The following RAPGEF2 variants were observed in gnomAD, a reference collection of about 807,000 sequenced individuals.
RAPGEF2 encodes PDZ domain containing guanine nucleotide exchange factor (GEF) 1.
Under a neutral mutation model 186.7 loss-of-function variants are expected in RAPGEF2, and 54 were observed. That is an observed-to-expected ratio of 0.29 (90% CI 0.23 to 0.36). The LOEUF (loss-of-function observed/expected upper bound fraction) is 0.36. Among genes scored for constraint, RAPGEF2 ranks in the 10% least tolerant of loss-of-function variants. The pLI is 1.00. For missense variants in RAPGEF2, 1,532 were observed against 2,045.0 expected (o/e 0.75, Z 4.84); for synonymous variants, 712 against 705.9 (o/e 1.01, Z -0.14).
At chr4:159,276,711 C>T (rs1758926494) in intron 7 of RAPGEF2, among the ~76,000 whole-genome samples, 1 of 151,988 alleles carries the variant, frequency 6.6e-6, no homozygotes, top group African/African-American at 2.4e-5. Flanking sequence ...TGGGCATATT[C>T]CCAGATTTCT....
intron 1 of RAPGEF2, among the ~76,000 whole-genome samples, chr4:159,147,853 A>G (rs1443874030): frequency 6.6e-6 from 1 of 152,052 alleles, no homozygotes; most frequent in East Asian, 1.9e-4. Context: ...TTACAGATTT[A>G]CAGGTAGTTG....
intron 25 of RAPGEF2, 101 bp from the exon 26 acceptor site, chr4:159,350,036 A>C (rs758943942): frequency 2.9e-6 from 2 of 685,658 alleles, no homozygotes; most frequent in Non-Finnish European, 4.6e-6. Flanking sequence ...ACCTCAGTGT[A>C]ATGATATTAA....
At chr4:159,223,314 T>C (rs1751716298) in intron 4 of RAPGEF2, among the ~76,000 whole-genome samples, 2 of 152,198 alleles carry the variant, frequency 1.3e-5, no homozygotes, top group African/African-American at 4.8e-5. Flanking sequence ...AAATCACTGT[T>C]TTCTTAGTTA....
At chr4:159,267,235 A>C in intron 7 of RAPGEF2, 3 of 1,289,218 alleles carry the variant, frequency 2.3e-6, no homozygotes, top group Non-Finnish European at 3.0e-6. Context: ...TATTTAGAAA[A>C]GGAAGCTTTC....
chr4:159,231,248 G>A (rs898916016), intron 4 of RAPGEF2, among the ~76,000 whole-genome samples: 2 of 152,024 alleles, frequency 1.3e-5, no homozygotes, highest in African/African-American at 4.8e-5. Context: ...TACCATCTTG[G>A]TTTGTGTAAG....
rs189307766 is a variant in RAPGEF2 at position 159,149,155 on chromosome 4, A to G, written c.70-37487A>G. ...CTAAATAAAAATACAGAAAGAGGGCAGAAGATAAAGCTGAAATATTTATTC... is the reference window on the plus strand; with the variant it reads ...CTAAATAAAAATACAGAAAGAGGGCGGAAGATAAAGCTGAAATATTTATTC... On this transcript the variant is annotated intron_variant, in intron 1 of 29. Transcript: ENST00000691494. 5.3e-5 allele frequency among the ~76,000 whole-genome samples: 8 copies of G among 152,368 alleles called. No individual in the cohort carries two copies. In the East Asian group the frequency reaches 1.5e-3, roughly 29 times the overall value.
At position 159,241,259 on chromosome 4, in the gene RAPGEF2, C is replaced by T. The variant is rs1279751885; in HGVS notation, c.416C>T (p.Ser139Phe). ...YFQRQASHRQ[S>F]RRRFRKINQK... ...CAGCGGCAAGCTTCCCATAGACAGT[C>T]TCGAAGGAGATTTAGAAAAATCAAC... The change falls in exon 6 of 30, where the codon TCT (serine) becomes TTT (phenylalanine). Residue 139 changes from serine (S) to phenylalanine (F), a missense_variant. This residue lies in a region of RAPGEF2 where 810 missense variants were observed against 1,210.5 expected (regional missense o/e 0.67). Transcript: ENST00000691494. 2 of 1,533,788 alleles carry T rather than the reference C, an allele frequency of 1.3e-6. No individual in the cohort carries two copies.
At position 159,358,361 on chromosome 4, in the gene RAPGEF2, C is replaced by A; in HGVS notation, c.*222C>A. On this transcript the variant is annotated 3_prime_UTR_variant, in exon 30 of 30. Transcript: ENST00000691494. The stretch of plus-strand genomic sequence containing the variant: ...CCCTGGCACTTTTCAGACTTTGTTG[C>A]TTGAAATGCACAGTGCAGCAATCTT... The A allele has an allele frequency of 1.9e-6, 1 of 536,470 alleles. No homozygotes were observed. The highest frequency in any genetic ancestry group is 3.3e-6 in the Non-Finnish European group (1 of 303,976). 33.2% of individuals were successfully genotyped at this position (536,470 alleles called of 1,614,324 possible). A position where few individuals can be genotyped will look rare whatever the true frequency, so the allele number is the denominator to read the frequency against.
At chr4:159,104,542 G>GAGAGAGAC in intron 1 of RAPGEF2, among the ~76,000 whole-genome samples, 1 of 129,960 alleles carries the variant, frequency 7.7e-6, no homozygotes, top group Admixed American at 7.8e-5. Context: ...GACAGAGAGA[G>GAGAGAGAC]AGAGAGAGAG....
In RAPGEF2 at chr4:159,332,561, G is replaced by T. The variant is rs1369315450; in HGVS notation, c.1999G>T (p.Ala667Ser). ...KASRYSIPDL[A>S]VDVEQVIGLE... ...CAGTCGCTACTCCATTCCAGATCTTGCTGTAGATGTAGAACAGGTGATAGG... is the reference window on the plus strand; with the variant it reads ...CAGTCGCTACTCCATTCCAGATCTTTCTGTAGATGTAGAACAGGTGATAGG... Residue 667 changes from alanine (A) to serine (S), a missense_variant, in exon 17 of 30, where the codon GCT (alanine) becomes TCT (serine). This residue lies in a region of RAPGEF2 where 810 missense variants were observed against 1,210.5 expected (regional missense o/e 0.67). Transcript: ENST00000691494. The T allele has an allele frequency of 4.3e-6, 7 of 1,614,010 alleles. No homozygotes were observed. In the African/African-American group the frequency reaches 9.3e-5, roughly 22 times the overall value.
intron 7 of RAPGEF2, among the ~76,000 whole-genome samples, chr4:159,263,735 G>A (rs1254582381): frequency 1.3e-5 from 2 of 152,040 alleles, no homozygotes; most frequent in Non-Finnish European, 2.9e-5. Flanking sequence ...GTTAAACACT[G>A]TATATGTTCT....
intron 4 of RAPGEF2, among the ~76,000 whole-genome samples, chr4:159,212,392 A>G (rs1235759893): frequency 6.6e-6 from 1 of 152,204 alleles, no homozygotes; most frequent in South Asian, 2.1e-4. Context: ...TAAAAGTAGT[A>G]ATTACTACAT....
intron 7 of RAPGEF2, among the ~76,000 whole-genome samples, chr4:159,248,951 AT>A (rs1332217585): frequency 6.6e-6 from 1 of 152,096 alleles, no homozygotes; most frequent in African/African-American, 2.4e-5. Context: ...CTTTCATTCC[AT>A]TTTGAAAGAA....
At chr4:159,131,088 G>T (rs1741002081) in intron 1 of RAPGEF2, among the ~76,000 whole-genome samples, 1 of 56,618 alleles carries the variant, frequency 1.8e-5, no homozygotes, top group Non-Finnish European at 3.4e-5. Context: ...TGTTTTGTGT[G>T]TGTGTGTGTG....
Position 159,210,519 on chromosome 4 carries a change from T to A in RAPGEF2, c.217T>A (p.Cys73Ser). The change falls in exon 4 of 30, where the codon TGC becomes AGC. Residue 73 changes from cysteine to serine, a missense_variant. Transcript: ENST00000691494. ...VLYYPDDIGTCWYILLSGSVF... is the reference protein window; with the variant it reads ...VLYYPDDIGTSWYILLSGSVF... ...TTTCAGCCCTGATGATATTGGGACC[T>A]GCTGGTATATCCTTCTTTCTGGTTC... The A allele has an allele frequency of 1.3e-6, 2 of 1,534,432 alleles. No individual in the cohort carries two copies. Among genetic ancestry groups the A allele is most frequent in the Non-Finnish European group, 1.7e-6 (2 of 1,145,466 alleles).
chr4:159,211,535 C>T (rs921756522), intron 4 of RAPGEF2, among the ~76,000 whole-genome samples: 1 of 152,124 alleles, frequency 6.6e-6, no homozygotes, highest in Non-Finnish European at 1.5e-5. Context: ...AATATTCTGA[C>T]TGGGTCAGGG....
At chr4:159,144,583 C>CT (rs1403127820) in intron 1 of RAPGEF2, among the ~76,000 whole-genome samples, 2 of 152,146 alleles carry the variant, frequency 1.3e-5, no homozygotes, top group African/African-American at 4.8e-5. Flanking sequence ...ATTTTAGGTA[C>CT]TTTGCAGTCA....
intron 8 of RAPGEF2, among the ~76,000 whole-genome samples, chr4:159,306,371 A>G (rs957666632): frequency 6.6e-6 from 1 of 151,816 alleles, no homozygotes; most frequent in Non-Finnish European, 1.5e-5. Context: ...TATTCTAGGT[A>G]TTTTGTTTTT....
chr4:159,222,117 T>A lies in RAPGEF2; in HGVS notation c.281+11534T>A, dbSNP rs138297037. 3.9e-3 allele frequency among the ~76,000 whole-genome samples: 595 copies of A among 152,344 alleles called. 6 individuals carry two copies. The highest frequency in any genetic ancestry group is 0.013 in the African/African-American group (559 of 41,568). ...ATTTTTAGCATCATTTAGAACCCTCTTTCCTCTTGTACATCATATTCCGAT... is the reference window on the plus strand; with the variant it reads ...ATTTTTAGCATCATTTAGAACCCTCATTCCTCTTGTACATCATATTCCGAT... On this transcript the variant is annotated intron_variant, in intron 4 of 29. Transcript: ENST00000691494.
Sources: allele counts gnomAD v4.1 joint callset (sites outside exome capture counted in the v4.1 genomes callset), GRCh38; gene constraint gnomAD v4.1.1; regional missense constraint gnomAD v4.1.1; transcripts MANE v1.5; gene names NCBI Gene and HGNC (gene_info 2026-07-23, HGNC 2026-07-21).